MTUS2: variants seen among roughly 807,000 people sequenced by gnomAD.
MTUS2 encodes the protein microtubule-associated tumor suppressor candidate 2.
A neutral mutation model predicts 114.1 loss-of-function variants in MTUS2; 40 were observed. The ratio of observed to expected loss-of-function variants is 0.35; its 90% confidence interval spans 0.27 to 0.46. The LOEUF (loss-of-function observed/expected upper bound fraction) is 0.46. MTUS2 is among the 20% of genes least tolerant of loss of function. The pLI, the probability that MTUS2 is intolerant of heterozygous loss-of-function variation, is 1.00. For missense variants in MTUS2, 1,679 were observed against 1,705.4 expected (o/e 0.98, Z 0.27); for synonymous variants, 688 against 672.0 (o/e 1.02, Z -0.37).
intron 2 of MTUS2, among the ~76,000 whole-genome samples, chr13:28,903,868 AG>A (rs1010670906): frequency 4.0e-4 from 47 of 116,372 alleles, no homozygotes; most frequent in African/African-American, 1.7e-3. Context: ...ACTAGTTTAC[AG>A]TCCCACCAAC....
chr13:29,503,492 GGTTA>G lies in MTUS2; in HGVS notation c.*291_*294del, dbSNP rs1037842889. On this transcript the variant is annotated 3_prime_UTR_variant, in exon 16 of 16. Coordinates refer to ENST00000612955, the MANE Select transcript of MTUS2 (RefSeq NM_001033602.4). ...AATGAACTTTCACTGCAGAATTTCAGGTTAGTTACAAAAAGCTCAGTTTTCAATA... is the reference window on the plus strand; with the variant it reads ...AATGAACTTTCACTGCAGAATTTCAGGTTACAAAAAGCTCAGTTTTCAATA... The G allele has an allele frequency of 1.4e-4, 78 of 544,200 alleles. No homozygotes were observed. The highest frequency in any genetic ancestry group is 9.2e-4 in the African/African-American group (49 of 53,218). 33.7% of individuals were successfully genotyped at this position (544,200 alleles called of 1,614,324 possible). A position where few individuals can be genotyped will look rare whatever the true frequency, so the allele number is the denominator to read the frequency against.
In MTUS2 at chr13:29,365,013, T is replaced by A. The variant is rs73168302; in HGVS notation, c.3117+5540T>A. The stretch of plus-strand genomic sequence containing the variant: ...AACACAGTAGAGAGTGCTAGTGAAG[T>A]GGTAAATTCAAGGTAAATTAATGGT... On this transcript the variant is annotated intron_variant, in intron 8 of 15. Coordinates refer to ENST00000612955, the MANE Select transcript of MTUS2 (RefSeq NM_001033602.4). 3.9e-3 allele frequency among the ~76,000 whole-genome samples: 594 copies of A among 152,302 alleles called. 8 individuals are homozygous for A. Among genetic ancestry groups the A allele is most frequent in the Non-Finnish European group, 4.7e-3 (318 of 68,032 alleles).
intron 5 of MTUS2, among the ~76,000 whole-genome samples, chr13:29,206,150 C>T (rs756915073): frequency 6.6e-6 from 1 of 152,084 alleles, no homozygotes; most frequent in African/African-American, 2.4e-5. Flanking sequence ...TTTGCATCTT[C>T]CTGATGATTA....
In MTUS2 at chr13:29,307,093, G is replaced by A; in HGVS notation, c.2807-17520G>A. Reference sequence around the variant, plus strand: ...GTCCACCAGCATCTTCACCATCATGGAGAAGTCTGGGGCTCACTTGCAGGG... The same window carrying A: ...GTCCACCAGCATCTTCACCATCATGAAGAAGTCTGGGGCTCACTTGCAGGG... On this transcript the variant is annotated intron_variant, in intron 6 of 15. Transcript: ENST00000612955. 5 of 481,654 alleles carry A rather than the reference G, an allele frequency of 1.0e-5. No individual in the cohort carries two copies. The Admixed American group carries it at 1.2e-4, about 11-fold the overall frequency. 29.8% of individuals were successfully genotyped at this position (481,654 alleles called of 1,614,324 possible). A position where few individuals can be genotyped will look rare whatever the true frequency, so the allele number is the denominator to read the frequency against.
intron 2 of MTUS2, among the ~76,000 whole-genome samples, chr13:28,969,355 T>C (rs7333534): frequency 0.12 from 18,114 of 152,092 alleles, 1,266 homozygotes; most frequent in African/African-American, 0.18. Flanking sequence ...ATCAGATCAT[T>C]AGGGTAATTG....
intron 2 of MTUS2, among the ~76,000 whole-genome samples, chr13:28,991,088 C>G (rs1258419609): frequency 2.0e-5 from 3 of 152,186 alleles, no homozygotes; most frequent in South Asian, 2.1e-4. Context: ...CGCATATTTA[C>G]AAGCTGCTGC....
At chr13:29,263,194 A>G (rs1323226786) in intron 5 of MTUS2, among the ~76,000 whole-genome samples, 1 of 152,232 alleles carries the variant, frequency 6.6e-6, no homozygotes, top group African/African-American at 2.4e-5. Flanking sequence ...GAAGAGCTCA[A>G]GGAGACTAGA....
intron 2 of MTUS2, among the ~76,000 whole-genome samples, chr13:28,909,745 G>A (rs1880284620): frequency 1.3e-5 from 2 of 152,144 alleles, no homozygotes; most frequent in African/African-American, 2.4e-5. Context: ...AATTGTCCCT[G>A]TTTGCAGATG....
intron 9 of MTUS2, among the ~76,000 whole-genome samples, chr13:29,459,123 C>G (rs1048136669): frequency 1.3e-5 from 2 of 152,218 alleles, no homozygotes; most frequent in Non-Finnish European, 2.9e-5. Context: ...AGTCACTTGC[C>G]TGCACGAAGC....
At chr13:29,077,138 T>C (rs1035684688) in intron 4 of MTUS2, among the ~76,000 whole-genome samples, 2 of 152,200 alleles carry the variant, frequency 1.3e-5, no homozygotes, top group Non-Finnish European at 2.9e-5. Context: ...GTGCCACTTC[T>C]CTTGCTTTGT....
intron 5 of MTUS2, among the ~76,000 whole-genome samples, chr13:29,135,780 A>C (rs540099878): frequency 4.6e-5 from 7 of 152,342 alleles, no homozygotes; most frequent in Admixed American, 1.3e-4. Flanking sequence ...TATGCTAGTT[A>C]AACTTCAATA....
intron 4 of MTUS2, among the ~76,000 whole-genome samples, chr13:29,044,301 A>G (rs1464390187): frequency 6.6e-6 from 1 of 151,682 alleles, no homozygotes; most frequent in East Asian, 1.9e-4. Flanking sequence ...TGGAAAATCT[A>G]CTGTTCTTAT....
rs113697192 is a variant in MTUS2, at chr13:28,932,225, A to G, written c.-242-92232A>G. Among the ~76,000 whole-genome samples, 448 of 152,294 alleles carry G rather than the reference A, an allele frequency of 2.9e-3. 2 individuals are homozygous for G. Among genetic ancestry groups the G allele is most frequent in the African/African-American group, 0.01 (427 of 41,556 alleles). ...AATAGTAAGGTCTTTGGAACGGACA[A>G]TTGTGTGACCTTAGTTAAATACCTT... is the stretch of plus-strand genomic sequence containing the variant. On this transcript the variant is annotated intron_variant, in intron 2 of 15. Transcript: ENST00000612955.
chr13:28,929,047 T>C (rs1881476634), intron 2 of MTUS2, among the ~76,000 whole-genome samples: 1 of 151,896 alleles, frequency 6.6e-6, no homozygotes. Context: ...TTCTGCTAAG[T>C]GAAATAAGCC....
At chr13:29,366,557 C>G (rs774164647) in intron 8 of MTUS2, among the ~76,000 whole-genome samples, 8 of 152,176 alleles carry the variant, frequency 5.3e-5, no homozygotes, top group Non-Finnish European at 1.2e-4. Flanking sequence ...GTGCTCTGCC[C>G]TTCCTCAGGG....
At position 29,000,562 on chromosome 13, in the gene MTUS2, C is replaced by T. The variant is rs182884845; in HGVS notation, c.-242-23895C>T. On this transcript the variant is annotated intron_variant, in intron 2 of 15. Transcript: ENST00000612955. ...TGTAGTTTTGGTAGAAACAGGGCTT[C>T]GCCATGTTGTCCAGGCTGGTCTCAA... Among the ~76,000 whole-genome samples, 383 of 152,200 alleles carry T rather than the reference C, an allele frequency of 2.5e-3. 3 individuals carry two copies. Among genetic ancestry groups the T allele is most frequent in the Non-Finnish European group, 4.5e-3 (306 of 68,010 alleles).
intron 5 of MTUS2, among the ~76,000 whole-genome samples, chr13:29,265,685 G>A (rs1345979014): frequency 1.3e-5 from 2 of 152,198 alleles, no homozygotes; most frequent in African/African-American, 2.4e-5. Flanking sequence ...ATGGCAGAAG[G>A]CTAAGCGGGA....
intron 6 of MTUS2, among the ~76,000 whole-genome samples, chr13:29,285,187 A>C (rs1030497992): frequency 4.7e-5 from 7 of 147,486 alleles, no homozygotes; most frequent in Admixed American, 6.7e-5. Context: ...ATGATAAAAA[A>C]CAAAACCAAA....
chr13:28,867,349 GA>G (rs1237694694), intron 2 of MTUS2, among the ~76,000 whole-genome samples: 1 of 151,980 alleles, frequency 6.6e-6, no homozygotes, highest in Non-Finnish European at 1.5e-5. Flanking sequence ...TTAAATGTAA[GA>G]AAAAAATTAT....
Sources: allele counts gnomAD v4.1 joint callset (sites outside exome capture counted in the v4.1 genomes callset), GRCh38; gene constraint gnomAD v4.1.1; transcripts MANE v1.5; gene names NCBI Gene and HGNC (gene_info 2026-07-23, HGNC 2026-07-21).